Variants in ITPR1 observed in about 807,000 individuals in gnomAD.
ITPR1 encodes the protein inositol 1,4,5-trisphosphate receptor type 1, also known as inositol 1,4,5-trisphosphate-gated calcium channel ITPR1.
In ITPR1, 96 loss-of-function variants were observed where a neutral mutation model predicts 318.4. The ratio of observed to expected loss-of-function variants is 0.30; its 90% CI spans 0.26 to 0.36. The LOEUF is 0.36. ITPR1 is among the 10% of genes least tolerant of loss of function. The probability of loss-of-function intolerance (pLI) is 1.00; values close to 1 mark genes in which losing one functional copy is unlikely to be tolerated. For missense variants in ITPR1, 2,440 were observed against 3,460.2 expected, an observed-to-expected ratio of 0.71 and a Z score of 7.40; for synonymous variants, 1,312 against 1,289.9, an observed-to-expected ratio of 1.02 and a Z score of -0.37.
rs546748486 is a variant in ITPR1 at position 4,757,883 on chromosome 3, C to CCTA, written c.5545-8646_5545-8645insTAC. On this transcript the variant is annotated intron_variant, in intron 44 of 61. Transcript: ENST00000649015. ...CAAGGTAAGCCCCACCTCTTGGTAG[C>CCTA]CACTGGCGTTGCTCTGTCACCCACA... Among the ~76,000 whole-genome samples, 16 of 152,302 alleles carry CCTA rather than the reference C, an allele frequency of 1.1e-4. No individual in the cohort carries two copies. In the South Asian group the frequency reaches 2.9e-3, roughly 28 times the overall value.
chr3:4,778,998 T>C (rs1260645992), intron 48 of ITPR1, among the ~76,000 whole-genome samples: 1 of 152,252 alleles, frequency 6.6e-6, no homozygotes, highest in African/African-American at 2.4e-5. Context: ...TTGGCCTGCA[T>C]ACATTGTTCC....
intron 4 of ITPR1, among the ~76,000 whole-genome samples, chr3:4,620,753 G>T (rs1393470675): frequency 6.8e-6 from 1 of 147,044 alleles, no homozygotes; most frequent in South Asian, 2.1e-4. Context: ...GCTCTGTGAA[G>T]CTTTGAATCA....
At chr3:4,539,984 C>CA (rs749264815) in intron 4 of ITPR1, among the ~76,000 whole-genome samples, 9,288 of 94,098 alleles carry the variant, frequency 0.099, 425 homozygotes, top group Middle Eastern at 0.17. Flanking sequence ...GACTAAGATG[C>CA]AAAAAAAAAA....
rs1214846551 is a variant in ITPR1, at chr3:4,846,163, CAA to C, written c.8217_8218del (p.Arg2740AsnfsTer22). ...GATGACAGAACAAAGGAAGCAGAAACAAAGAATTGGTCTTCTAGGACATCCTC... is the reference window on the plus strand; with the variant it reads ...GATGACAGAACAAAGGAAGCAGAAACAGAATTGGTCTTCTAGGACATCCTC... Reference protein sequence around the residue: ...DQMTEQRKQKQRIGLLGHPPH... With the variant: ...DQMTEQRKQKXRIGLLGHPPH... On this transcript the variant is annotated frameshift_variant, in exon 62 of 62. Transcript: ENST00000649015. LOFTEE classifies it high-confidence loss of function. The C allele has an allele frequency of 6.4e-7, 1 of 1,564,538 alleles. No individual in the cohort carries two copies. Among genetic ancestry groups the C allele is most frequent in the African/African-American group, 1.4e-5 (1 of 73,626 alleles).
chr3:4,688,651 A>C, intron 31 of ITPR1, 31 bp downstream of exon 31: 1 of 1,602,396 alleles, frequency 6.2e-7, no homozygotes, highest in Non-Finnish European at 8.5e-7. Context: ...GCAAATCTAT[A>C]GAGGGAGGAG....
chr3:4,684,373 T>C (rs754727755), intron 29 of ITPR1, 27 bp downstream of exon 29: 3 of 1,540,992 alleles, frequency 1.9e-6, no homozygotes. Flanking sequence ...CCACCATTTT[T>C]CCTTTCTTTA....
At position 4,815,078 on chromosome 3, in the gene ITPR1, T is replaced by C. The variant is rs1461417688; in HGVS notation, c.7727T>C (p.Ile2576Thr). The change falls in exon 59 of 62, where the codon ATT becomes ACT. Residue 2576 changes from isoleucine (I) to threonine (T), a missense_variant. Ile to Thr is a moderately conservative substitution (Grantham distance 89, BLOSUM62 -1). This residue lies in a region of ITPR1 where 72 missense variants were observed against 197.7 expected (regional missense o/e 0.36). Coordinates refer to ENST00000649015, the MANE Select transcript of ITPR1 (RefSeq NM_001378452.1). ...KEEPLFAARV[I>T]YDLLFFFMVI... ...GAACCCCTGTTTGCTGCTAGAGTTA[T>C]TTATGACCTCTTGTTCTTCTTCATG... The C allele has an allele frequency of 1.9e-6, 3 of 1,613,426 alleles. No individual in the cohort carries two copies. The highest frequency in any genetic ancestry group is 1.7e-6 in the Non-Finnish European group (2 of 1,179,576).
intron 44 of ITPR1, among the ~76,000 whole-genome samples, chr3:4,744,898 CTCCT>C (rs199767679): frequency 0.019 from 2,428 of 124,728 alleles, 52 homozygotes; most frequent in African/African-American, 0.045. Context: ...GTCTCCCTCC[CTCCT>C]TCCTTCCTTC....
At chr3:4,609,089 T>C (rs868758447) in intron 4 of ITPR1, among the ~76,000 whole-genome samples, 14,446 of 91,850 alleles carry the variant, frequency 0.16, 2,799 homozygotes, top group African/African-American at 0.44. Context: ...TATATATATA[T>C]ACACACACAC....
In ITPR1 at chr3:4,579,981, C is replaced by T. The variant is rs111713711; in HGVS notation, c.164-47782C>T. On this transcript the variant is annotated intron_variant, in intron 4 of 61. Coordinates refer to ENST00000649015, the MANE Select transcript of ITPR1 (RefSeq NM_001378452.1). ...ATCCCAGCACTTTGGGAGGCCGAGA[C>T]GGGTGGATCACGAAGTCAGGAGATC... 9.8e-3 allele frequency among the ~76,000 whole-genome samples: 1,499 copies of T among 152,212 alleles called. 36 individuals are homozygous for T. Among genetic ancestry groups the T allele is most frequent in the African/African-American group, 0.034 (1,393 of 41,524 alleles).
At chr3:4,505,713 C>T (rs917743270) in intron 2 of ITPR1, among the ~76,000 whole-genome samples, 4 of 152,258 alleles carry the variant, frequency 2.6e-5, no homozygotes, top group East Asian at 1.9e-4. Context: ...CAAAGCTTGA[C>T]GACTGGAGGA....
Position 4,673,566 on chromosome 3 carries a change from A to G in ITPR1, c.2456+179A>G, listed in dbSNP as rs187152564. Among the ~76,000 whole-genome samples, 7 of 151,782 alleles carry G rather than the reference A, an allele frequency of 4.6e-5. No homozygotes were observed. In the East Asian group the frequency reaches 1.4e-3, roughly 30 times the overall value. The stretch of plus-strand genomic sequence containing the variant: ...CAAGAATGTGAAAGATGGCATGATT[A>G]TGTTTTTGGTTTTTGTTTGTTTGTT... On this transcript the variant is annotated intron_variant, in intron 21 of 61. Coordinates refer to ENST00000649015, the MANE Select transcript of ITPR1 (RefSeq NM_001378452.1).
intron 37 of ITPR1, among the ~76,000 whole-genome samples, chr3:4,709,534 A>G (rs2094827572): frequency 6.6e-6 from 1 of 152,206 alleles, no homozygotes; most frequent in Non-Finnish European, 1.5e-5. Context: ...CTTAGCCAAC[A>G]TGCCTGTAGG....
chr3:4,751,326 C>G (rs752906499), intron 44 of ITPR1: 2 of 152,126 alleles, frequency 1.3e-5, no homozygotes, highest in Non-Finnish European at 1.5e-5. Flanking sequence ...AGATTCTCAG[C>G]AGGGACGACG....
chr3:4,638,592 C>T (rs373971501), intron 5 of ITPR1, among the ~76,000 whole-genome samples: 1 of 152,248 alleles, frequency 6.6e-6, no homozygotes, highest in African/African-American at 2.4e-5. Context: ...ACTATCTCTG[C>T]GACTTAATAA....
chr3:4,506,592 G>A (rs1189756210), intron 2 of ITPR1, among the ~76,000 whole-genome samples: 1 of 152,056 alleles, frequency 6.6e-6, no homozygotes, highest in Non-Finnish European at 1.5e-5. Flanking sequence ...CTAGAATATA[G>A]GTATCACGGG....
At position 4,806,277 on chromosome 3, in the gene ITPR1, T is replaced by G. The variant is rs752737452; in HGVS notation, c.7272+10T>G. ...CTTCTACAGTCTGCTGGTGAGTACC[T>G]GGTGTGGAAATATTTTATGTGTGGG... On this transcript the variant is annotated intron_variant, in intron 55 of 61. Coordinates refer to ENST00000649015, the MANE Select transcript of ITPR1 (RefSeq NM_001378452.1). 3 of 1,612,750 alleles carry G rather than the reference T, an allele frequency of 1.9e-6. No homozygotes were observed. The East Asian group carries it at 6.7e-5, about 36-fold the overall frequency.
At chr3:4,796,051 A>C (rs779430268) in intron 53 of ITPR1, among the ~76,000 whole-genome samples, 5 of 152,206 alleles carry the variant, frequency 3.3e-5, no homozygotes, top group African/African-American at 1.2e-4. Flanking sequence ...TAAAGAGCCC[A>C]AAAACCACAC....
chr3:4,815,769 A>G (rs1360904230), intron 59 of ITPR1, among the ~76,000 whole-genome samples: 3 of 152,168 alleles, frequency 2.0e-5, no homozygotes, highest in Non-Finnish European at 4.4e-5. Context: ...TATAGCTACT[A>G]AATATATAAA....
Sources: gnomAD v4.1 joint callset for allele counts (sites outside exome capture counted in the v4.1 genomes callset) on GRCh38, gnomAD v4.1.1 for gene constraint, gnomAD v4.1.1 regional missense constraint, MANE v1.5 for transcripts, NCBI Gene and HGNC (gene_info 2026-07-23, HGNC 2026-07-21) for gene names.